Variants in RPSA2 observed in about 807,000 individuals in gnomAD.
RPSA2 encodes the protein small ribosomal subunit protein uS2B.
chr19:23,767,814 T>G, the RPSA2 span, among the ~76,000 whole-genome samples: 2 of 136,094 alleles, frequency 1.5e-5, no homozygotes, highest in African/African-American at 5.5e-5. Context: ...TCGCCCAGGC[T>G]GGAGTGCAGT....
the RPSA2 span, among the ~76,000 whole-genome samples, chr19:23,845,044 T>C: frequency 6.6e-5 from 8 of 120,376 alleles, no homozygotes; most frequent in African/African-American, 2.3e-4. Flanking sequence ...TTCAGGTTTA[T>C]GAGTGTCTAG....
chr19:23,802,191 A>G, the RPSA2 span, among the ~76,000 whole-genome samples: 1 of 152,194 alleles, frequency 6.6e-6, no homozygotes, highest in Non-Finnish European at 1.5e-5. Context: ...GTGAGAGGCT[A>G]CAGGTTTAAA....
the RPSA2 span, chr19:23,831,806 C>T: frequency 3.3e-6 from 1 of 306,630 alleles, no homozygotes; most frequent in Admixed American, 3.7e-5. Context: ...CAAAGTATTT[C>T]AATGTGGTAA....
chr19:23,857,982 A>G, the RPSA2 span, among the ~76,000 whole-genome samples: 9 of 152,024 alleles, frequency 5.9e-5, no homozygotes, highest in African/African-American at 2.2e-4. Context: ...ATTTACATTC[A>G]CTGGAGAAAG....
the RPSA2 span, among the ~76,000 whole-genome samples, chr19:23,849,515 C>T: frequency 0.011 from 1,689 of 152,246 alleles, 18 homozygotes; most frequent in Non-Finnish European, 0.016. Flanking sequence ...ACTCACAGCC[C>T]GGACATGGCA....
the RPSA2 span, among the ~76,000 whole-genome samples, chr19:23,795,409 C>T: frequency 6.6e-6 from 1 of 151,814 alleles, no homozygotes; most frequent in African/African-American, 2.4e-5. Context: ...TAGCTGTATT[C>T]CTAGATATTT....
chr19:23,818,249 G>A, the RPSA2 span: 148,950 of 152,278 alleles, frequency 0.98, 72,941 homozygotes, highest in Middle Eastern at 1. Context: ...TGACAAGGAG[G>A]GGTAAGAGAC....
chr19:23,829,674 A>G, the RPSA2 span, among the ~76,000 whole-genome samples: 1 of 152,236 alleles, frequency 6.6e-6, no homozygotes, highest in Non-Finnish European at 1.5e-5. Context: ...ATACAACAAT[A>G]CATTTTAATC....
At chr19:23,816,815 C>G in the RPSA2 span, among the ~76,000 whole-genome samples, 1 of 152,054 alleles carries the variant, frequency 6.6e-6, no homozygotes, top group Admixed American at 6.5e-5. Context: ...AAAAACTCTG[C>G]CTTATAAAGC....
chr19:23,856,820 G>T, the RPSA2 span, among the ~76,000 whole-genome samples: 5 of 152,304 alleles, frequency 3.3e-5, no homozygotes, highest in South Asian at 1.0e-3. Flanking sequence ...TTCAAAAGGG[G>T]AGGGGGTGTA....
chr19:23,835,160 CAT>C, the RPSA2 span, among the ~76,000 whole-genome samples: 221 of 151,936 alleles, frequency 1.5e-3, no homozygotes, highest in African/African-American at 5.1e-3. Flanking sequence ...TATATACAAA[CAT>C]GTAAAATCCA....
the RPSA2 span, chr19:23,832,263 C>T: frequency 6.7e-6 from 3 of 447,168 alleles, no homozygotes. Context: ...AGTTCTCAAC[C>T]CTTACGAAAC....
the RPSA2 span, among the ~76,000 whole-genome samples, chr19:23,839,682 G>A: frequency 1.3e-5 from 2 of 152,298 alleles, no homozygotes; most frequent in South Asian, 4.1e-4. Context: ...TCTCCCCTTG[G>A]AGTTTTACCC....
the RPSA2 span, among the ~76,000 whole-genome samples, chr19:23,814,172 A>G: frequency 6.6e-6 from 1 of 150,714 alleles, no homozygotes; most frequent in Admixed American, 6.6e-5. Context: ...AGACCATGCC[A>G]CTGCATTCCA....
chr19:23,860,244 C>T, the RPSA2 span, among the ~76,000 whole-genome samples: 74 of 152,296 alleles, frequency 4.9e-4, no homozygotes, highest in African/African-American at 1.7e-3. Flanking sequence ...CTCTTATTGT[C>T]TCATCTCCAC....
At chr19:23,851,725 T>C in the RPSA2 span, among the ~76,000 whole-genome samples, 1 of 152,220 alleles carries the variant, frequency 6.6e-6, no homozygotes, top group Admixed American at 6.5e-5. Context: ...AGCATTTCCG[T>C]TACTGGAGCC....
the RPSA2 span, among the ~76,000 whole-genome samples, chr19:23,797,362 C>T: frequency 6.6e-6 from 1 of 152,136 alleles, no homozygotes; most frequent in Non-Finnish European, 1.5e-5. Context: ...CCTGCCTCGG[C>T]CTCCCAAAGT....
At chr19:23,779,831 C>G in the RPSA2 span, among the ~76,000 whole-genome samples, 1 of 152,214 alleles carries the variant, frequency 6.6e-6, no homozygotes, top group African/African-American at 2.4e-5. Context: ...CCCCAGCCAC[C>G]AAGTGATGTG....
At chr19:23,822,566 C>G in the RPSA2 span, among the ~76,000 whole-genome samples, 2 of 152,160 alleles carry the variant, frequency 1.3e-5, no homozygotes, top group Non-Finnish European at 2.9e-5. Context: ...TCTGTTGCCC[C>G]CCTTGGACCT....
Sources: allele counts gnomAD v4.1 joint callset (sites outside exome capture counted in the v4.1 genomes callset), GRCh38; gene constraint gnomAD v4.1.1; transcripts MANE v1.5; gene names NCBI Gene and HGNC (gene_info 2026-07-23, HGNC 2026-07-21).